The following SAMD4A variants were observed in gnomAD, a reference collection of about 807,000 sequenced individuals.
The protein encoded by SAMD4A is protein Smaug homolog 1.
Under a neutral mutation model 81.3 loss-of-function variants are expected in SAMD4A, and 33 were observed. That is an observed-to-expected ratio of 0.41 (90% confidence interval 0.31 to 0.54). The LOEUF is 0.54. Among genes scored for constraint, SAMD4A ranks in the 20% least tolerant of loss-of-function variants. The pLI is 0.37. For synonymous variants in SAMD4A, 389 were observed against 382.1 expected (o/e 1.02, Z -0.21); for missense variants, 854 against 951.1 (o/e 0.90, Z 1.34).
chr14:54,746,470 TA>T (rs2037970870), intron 4 of SAMD4A, among the ~76,000 whole-genome samples: 1 of 152,214 alleles, frequency 6.6e-6, no homozygotes, highest in Non-Finnish European at 1.5e-5. Context: ...GTGTTTTGAC[TA>T]AATGAATGAG....
intron 3 of SAMD4A, among the ~76,000 whole-genome samples, chr14:54,728,142 A>G (rs141560487): frequency 1.6e-4 from 24 of 152,352 alleles, no homozygotes; most frequent in Admixed American, 4.6e-4. Context: ...CAACTGATTT[A>G]TAATACCCAA....
At chr14:54,634,480 G>C (rs1247442507) in intron 2 of SAMD4A, among the ~76,000 whole-genome samples, 2 of 152,082 alleles carry the variant, frequency 1.3e-5, no homozygotes, top group Non-Finnish European at 2.9e-5. Context: ...CAGGGTAGTG[G>C]GGACAGGGAT....
chr14:54,724,042 A>AAGGAAGGAAGGG (rs2037348978), intron 3 of SAMD4A, among the ~76,000 whole-genome samples: 1 of 151,982 alleles, frequency 6.6e-6, no homozygotes, highest in Non-Finnish European at 1.5e-5. Context: ...GGAAGGAAGG[A>AAGGAAGGAAGGG]AGGAAGGAAT....
intron 2 of SAMD4A, among the ~76,000 whole-genome samples, chr14:54,682,211 A>T (rs1243881821): frequency 6.6e-6 from 1 of 152,202 alleles, no homozygotes; most frequent in Non-Finnish European, 1.5e-5. Context: ...GGAAGAGTCC[A>T]TACGTCACAT....
chr14:54,661,807 TGAG>T lies in SAMD4A; in HGVS notation c.197-40252_197-40250del, dbSNP rs1347745748. ...TACATGGCCTGAAGCATCTCTGTTCTGAGGACAGCCCTTTACATTAACAATTGT... is the reference window on the plus strand; with the variant it reads ...TACATGGCCTGAAGCATCTCTGTTCTGACAGCCCTTTACATTAACAATTGT... On this transcript the variant is annotated intron_variant, in intron 2 of 12. Transcript: ENST00000554335. 2.6e-5 allele frequency among the ~76,000 whole-genome samples: 4 copies of T among 152,218 alleles called. No individual in the cohort carries two copies. The East Asian group carries it at 7.7e-4, about 29-fold the overall frequency.
At chr14:54,632,606 G>C (rs1021506475) in intron 2 of SAMD4A, among the ~76,000 whole-genome samples, 1 of 151,916 alleles carries the variant, frequency 6.6e-6, no homozygotes, top group African/African-American at 2.4e-5. Flanking sequence ...AGCATGTCTT[G>C]ATGATCAGCC....
At chr14:54,619,925 T>A (rs2034575895) in intron 2 of SAMD4A, among the ~76,000 whole-genome samples, 1 of 152,248 alleles carries the variant, frequency 6.6e-6, no homozygotes, top group Non-Finnish European at 1.5e-5. Flanking sequence ...GTTAATTTTT[T>A]AAAGTATTGT....
chr14:54,693,456 G>A (rs2036501812), intron 2 of SAMD4A: 1 of 152,188 alleles, frequency 6.6e-6, no homozygotes, highest in Non-Finnish European at 1.5e-5. Context: ...TAGTACTTTG[G>A]GAGGCTGAGG....
At chr14:54,775,600 C>T (rs534785875) in intron 10 of SAMD4A, among the ~76,000 whole-genome samples, 1 of 152,048 alleles carries the variant, frequency 6.6e-6, no homozygotes, top group Non-Finnish European at 1.5e-5. Flanking sequence ...TCAGCCTGCC[C>T]AGAGGTTCTT....
intron 2 of SAMD4A, chr14:54,694,210 T>C (rs371358840): frequency 2.0e-5 from 3 of 152,734 alleles, no homozygotes. Flanking sequence ...TGACTTACCT[T>C]CTAGTTTTAA....
At chr14:54,785,341 C>T (rs2039109193) in intron 12 of SAMD4A, among the ~76,000 whole-genome samples, 1 of 152,252 alleles carries the variant, frequency 6.6e-6, no homozygotes, top group African/African-American at 2.4e-5. Context: ...TCACAGCAGC[C>T]CTGGGAGGCC....
At chr14:54,788,666 ATATAAGTACT>A (rs1223265519) in intron 12 of SAMD4A, among the ~76,000 whole-genome samples, 1 of 152,140 alleles carries the variant, frequency 6.6e-6, no homozygotes, top group African/African-American at 2.4e-5. Flanking sequence ...CTACCCTCAA[ATATAAGTACT>A]TGGGAGGTGA....
chr14:54,605,015 T>C (rs557266549), intron 2 of SAMD4A, among the ~76,000 whole-genome samples: 1 of 152,266 alleles, frequency 6.6e-6, no homozygotes, highest in African/African-American at 2.4e-5. Flanking sequence ...CTCAAACTCC[T>C]TTCAGATTTC....
Position 54,567,856 on chromosome 14 carries a change from G to T in SAMD4A, c.-61G>T. ...GGGCTGCGGCTCCGCCAAACTTTGG[G>T]GCGGGCGGGGCGGGCTGGGGCGCCC... On this transcript the variant is annotated 5_prime_UTR_variant, in exon 2 of 13. Transcript: ENST00000554335. 4 of 1,541,496 alleles carry T rather than the reference G, an allele frequency of 2.6e-6. No homozygotes were observed. The Admixed American group carries it at 8.0e-5, about 31-fold the overall frequency.
upstream of SAMD4A, among the ~76,000 whole-genome samples, chr14:54,566,081 A>C (rs1435635379): frequency 6.6e-6 from 1 of 151,738 alleles, no homozygotes; most frequent in Non-Finnish European, 1.5e-5. Context: ...AATCAGTAGC[A>C]TGTGGGGAGC....
intron 5 of SAMD4A, among the ~76,000 whole-genome samples, chr14:54,750,142 A>G (rs1282472439): frequency 3.3e-5 from 5 of 152,188 alleles, no homozygotes; most frequent in African/African-American, 4.8e-5. Flanking sequence ...AAAAAAATCT[A>G]AGTCATCAGT....
At chr14:54,652,485 A>T (rs2035425591) in intron 2 of SAMD4A, among the ~76,000 whole-genome samples, 1 of 152,194 alleles carries the variant, frequency 6.6e-6, no homozygotes, top group Non-Finnish European at 1.5e-5. Flanking sequence ...CTGCTGTTTA[A>T]AAATACATTT....
At chr14:54,623,679 A>C (rs1218689512) in intron 2 of SAMD4A, among the ~76,000 whole-genome samples, 1 of 152,088 alleles carries the variant, frequency 6.6e-6, no homozygotes, top group Non-Finnish European at 1.5e-5. Flanking sequence ...ATTCGAGGGA[A>C]GGATAGGTAT....
chr14:54,771,541 G>A (rs1339346861), intron 9 of SAMD4A, among the ~76,000 whole-genome samples: 1 of 152,218 alleles, frequency 6.6e-6, no homozygotes, highest in Non-Finnish European at 1.5e-5. Context: ...CTCTGGGGTT[G>A]CCAACCCTTG....
Sources: gnomAD v4.1 joint callset for allele counts (sites outside exome capture counted in the v4.1 genomes callset) on GRCh38, gnomAD v4.1.1 for gene constraint, MANE v1.5 for transcripts, NCBI Gene and HGNC (gene_info 2026-07-23, HGNC 2026-07-21) for gene names.